Variants in SMURF2 observed in about 807,000 individuals in gnomAD.
SMURF2 encodes SMAD specific E3 ubiquitin protein ligase 2, also known as E3 ubiquitin-protein ligase SMURF2.
In SMURF2, 48 loss-of-function variants were observed where a neutral mutation model predicts 109.6. The observed-to-expected ratio is 0.44, with a 90% CI of 0.35 to 0.56. The LOEUF (loss-of-function observed/expected upper bound fraction) is 0.56. Among genes scored for constraint, SMURF2 ranks in the 20% least tolerant of loss-of-function variants. The pLI is 0.01. For missense variants in SMURF2, 575 were observed against 909.0 expected, an observed-to-expected ratio of 0.63 and a Z score of 4.72; for synonymous variants, 288 against 317.1, an observed-to-expected ratio of 0.91 and a Z score of 0.97.
chr17:64,593,428 G>T lies in SMURF2; in HGVS notation c.334+12C>A. 3.8e-6 allele frequency: 6 copies of T among 1,595,104 alleles called. No homozygotes were observed. The highest frequency in any genetic ancestry group is 5.1e-6 in the Non-Finnish European group (6 of 1,171,008). On this transcript the variant is annotated intron_variant, in intron 4 of 18. Coordinates refer to ENST00000262435, the MANE Select transcript of SMURF2 (RefSeq NM_022739.4). ...ATGTTTTTTAATTGGAAAAGCACTCGTATCTACTCACAACCAGTGTCTTTG... is the reference window on the plus strand; with the variant it reads ...ATGTTTTTTAATTGGAAAAGCACTCTTATCTACTCACAACCAGTGTCTTTG...
At chr17:64,562,736 A>T (rs782245163) in intron 11 of SMURF2, 35 bp downstream of exon 11, 1 of 1,594,818 alleles carries the variant, frequency 6.3e-7, no homozygotes, top group Non-Finnish European at 8.6e-7. Context: ...TCTGGAAAAA[A>T]AAATAGTAAA....
At chr17:64,605,257 C>T (rs1969952967) in intron 2 of SMURF2, among the ~76,000 whole-genome samples, 1 of 152,032 alleles carries the variant, frequency 6.6e-6, no homozygotes, top group Non-Finnish European at 1.5e-5. Flanking sequence ...TTATAATTTG[C>T]GTCCTATGTT....
Position 64,549,493 on chromosome 17 carries a change from C to T in SMURF2, c.1870-1692G>A, listed in dbSNP as rs117979125. On this transcript the variant is annotated intron_variant, in intron 16 of 18. Transcript: ENST00000262435. ...GATTCAGGCCTGGTGCAGTGGCTCACGCCTGTAATCCTAACAATTTGGGAA... is the reference window on the plus strand; with the variant it reads ...GATTCAGGCCTGGTGCAGTGGCTCATGCCTGTAATCCTAACAATTTGGGAA... 2.9e-3 allele frequency among the ~76,000 whole-genome samples: 438 copies of T among 152,124 alleles called. 16 individuals carry two copies. The East Asian group carries it at 0.075, about 26-fold the overall frequency.
chr17:64,565,219 C>T (rs1384792034), intron 10 of SMURF2, among the ~76,000 whole-genome samples: 1 of 151,966 alleles, frequency 6.6e-6, no homozygotes, highest in Admixed American at 6.6e-5. Flanking sequence ...GGGCAGCTAG[C>T]CTGGAACTAT....
intron 1 of SMURF2, among the ~76,000 whole-genome samples, chr17:64,610,458 G>A (rs1251991213): frequency 6.6e-6 from 1 of 152,128 alleles, no homozygotes; most frequent in Non-Finnish European, 1.5e-5. Context: ...TCCTTTGCAG[G>A]GACATGGATG....
intron 1 of SMURF2, among the ~76,000 whole-genome samples, chr17:64,616,610 G>A (rs1188829118): frequency 6.7e-6 from 1 of 149,322 alleles, no homozygotes; most frequent in Non-Finnish European, 1.5e-5. Flanking sequence ...AGCTGAGATC[G>A]CGCCACTGTA....
chr17:64,559,459 T>A (rs1969178464), intron 12 of SMURF2, among the ~76,000 whole-genome samples: 1 of 151,622 alleles, frequency 6.6e-6, no homozygotes, highest in African/African-American at 2.4e-5. Flanking sequence ...CTAGGCGTGG[T>A]TGTATGCGCC....
intron 1 of SMURF2, among the ~76,000 whole-genome samples, chr17:64,641,771 C>T (rs1970496090): frequency 6.6e-6 from 1 of 152,068 alleles, no homozygotes; most frequent in South Asian, 2.1e-4. Context: ...AGACTCTGGG[C>T]CAAAATGACC....
chr17:64,616,053 T>C (rs1297674861), intron 1 of SMURF2, among the ~76,000 whole-genome samples: 1 of 151,834 alleles, frequency 6.6e-6, no homozygotes, highest in African/African-American at 2.4e-5. Flanking sequence ...TGGTCTCAAA[T>C]TCCTGACCTC....
At chr17:64,625,622 T>C (rs1287904026) in intron 1 of SMURF2, among the ~76,000 whole-genome samples, 1 of 152,212 alleles carries the variant, frequency 6.6e-6, no homozygotes, top group African/African-American at 2.4e-5. Context: ...CTTAAAGTCA[T>C]GGTCCTCATG....
At chr17:64,598,942 T>C (rs1555688324) in intron 2 of SMURF2, among the ~76,000 whole-genome samples, 1 of 151,954 alleles carries the variant, frequency 6.6e-6, no homozygotes, top group Non-Finnish European at 1.5e-5. Flanking sequence ...AGCAAATGAG[T>C]TTTGCTGAAT....
intron 5 of SMURF2, among the ~76,000 whole-genome samples, chr17:64,586,539 G>T (rs1171069015): frequency 6.6e-6 from 1 of 151,560 alleles, no homozygotes; most frequent in East Asian, 1.9e-4. Flanking sequence ...ACAAGGTCAG[G>T]AGATCGAGAC....
At chr17:64,647,135 T>C (rs547851006) in intron 1 of SMURF2, among the ~76,000 whole-genome samples, 2 of 152,264 alleles carry the variant, frequency 1.3e-5, no homozygotes, top group East Asian at 3.9e-4. Context: ...CATCTCAGTG[T>C]TAGGTGCATG....
chr17:64,621,985 TA>T (rs200773394), intron 1 of SMURF2, among the ~76,000 whole-genome samples: 1 of 132,074 alleles, frequency 7.6e-6, no homozygotes, highest in Non-Finnish European at 1.6e-5. Flanking sequence ...ATAATAATAA[TA>T]AAAAAAAGCA....
At chr17:64,630,688 A>T (rs2144707684) in intron 1 of SMURF2, among the ~76,000 whole-genome samples, 1 of 152,318 alleles carries the variant, frequency 6.6e-6, no homozygotes, top group South Asian at 2.1e-4. Context: ...TCCTTAGAAA[A>T]TTATAAGAAT....
intron 1 of SMURF2, among the ~76,000 whole-genome samples, chr17:64,644,849 T>C (rs1191998101): frequency 7.0e-6 from 1 of 141,904 alleles, no homozygotes; most frequent in East Asian, 2.1e-4. Context: ...AAAATATACA[T>C]ATACACAAAA....
chr17:64,572,088 G>A, intron 9 of SMURF2, 132 bp from the exon 10 acceptor site: 1 of 770,228 alleles, frequency 1.3e-6, no homozygotes, highest in Non-Finnish European at 1.9e-6. Context: ...ATGTTCAGCT[G>A]GAATCTTTAA....
At chr17:64,633,750 A>C (rs1970377846) in intron 1 of SMURF2, among the ~76,000 whole-genome samples, 1 of 152,146 alleles carries the variant, frequency 6.6e-6, no homozygotes, top group African/African-American at 2.4e-5. Flanking sequence ...TCAATTCTAA[A>C]CTTTAGAGGT....
At chr17:64,631,717 C>T (rs1970350789) in intron 1 of SMURF2, among the ~76,000 whole-genome samples, 3 of 152,138 alleles carry the variant, frequency 2.0e-5, no homozygotes, top group Admixed American at 6.5e-5. Flanking sequence ...CCTAATTCCA[C>T]CTCTGCCCTC....
Sources: gnomAD v4.1 joint callset for allele counts (sites outside exome capture counted in the v4.1 genomes callset) on GRCh38, gnomAD v4.1.1 for gene constraint, MANE v1.5 for transcripts, NCBI Gene and HGNC (gene_info 2026-07-23, HGNC 2026-07-21) for gene names.